The following NOL3 variants were observed in gnomAD, a reference collection of about 807,000 sequenced individuals.
The protein encoded by NOL3 is muscle-enriched cytoplasmic protein.
In NOL3, 18 loss-of-function variants were observed where a neutral mutation model predicts 19.2. The observed-to-expected ratio is 0.94, with a 90% CI of 0.65 to 1.39. The LOEUF (loss-of-function observed/expected upper bound fraction) is 1.39. Among genes scored for constraint, NOL3 ranks in the 40% most tolerant of loss-of-function variants. The pLI is 0.00. For missense variants in NOL3, 290 were observed against 289.5 expected (o/e 1.00, Z -0.01); for synonymous variants, 127 against 137.3 (o/e 0.93, Z 0.52).
chr16:67,175,360 C>A (rs1567678209), exon 4 of NOL3: 1 of 1,284,316 alleles, frequency 7.8e-7, no homozygotes. Flanking sequence ...CAAACCTAGC[C>A]CCCTAGTGGG....
chr16:67,174,162 C>T (rs752964514), exon 2 of NOL3: 13 of 1,606,712 alleles, frequency 8.1e-6, no homozygotes, highest in African/African-American at 8.0e-5. Context: ...CCCCATGCAG[C>T]CCCGACAATG....
exon 2 of NOL3, chr16:67,174,459 G>T (rs1347869195): frequency 6.7e-7 from 1 of 1,489,848 alleles, no homozygotes; most frequent in East Asian, 2.4e-5. Context: ...CAGCACGTGG[G>T]TCCGGGTGAG....
In NOL3 at chr16:67,170,780, G is replaced by A. The variant is rs1207559465; in HGVS notation, c.-9+206G>A. On this transcript the variant is annotated intron_variant, in intron 1 of 3. Coordinates refer to ENST00000268605, the Ensembl canonical transcript of NOL3. This position sits in a 1 kb window ranked among gnomAD's most constrained non-coding sequence, Gnocchi z 5.7. ...ACTGGGTGGAGGGAGGTAAGGGGCG[G>A]GGGGGGAAAATCCGTGCAGTCGCAC... Among the ~76,000 whole-genome samples, 1 of 150,312 alleles carries A rather than the reference G, an allele frequency of 6.7e-6. No homozygotes were observed. The highest frequency in any genetic ancestry group is 6.6e-5 in the Admixed American group (1 of 15,236).
At chr16:67,173,466 G>A (rs1052931596) in intron 1 of NOL3, among the ~76,000 whole-genome samples, 3 of 151,986 alleles carry the variant, frequency 2.0e-5, no homozygotes, top group African/African-American at 4.8e-5. Context: ...GTGTAGAGGC[G>A]GGGCTTGTCC....
exon 4 of NOL3, chr16:67,175,447 A>C (rs1342447089): frequency 1.4e-6 from 1 of 713,802 alleles, no homozygotes; most frequent in African/African-American, 1.9e-5. Context: ...TGTAGGTACC[A>C]GCTCAACCCC....
chr16:67,171,049 G>C (rs1177539997), intron 1 of NOL3: 1 of 152,388 alleles, frequency 6.6e-6, no homozygotes, highest in African/African-American at 2.4e-5. Context: ...TAAAGGGCAG[G>C]ACTTGGGGTC....
intron 2 of NOL3, 54 bp from the exon 3 acceptor site, chr16:67,174,567 T>A (rs1241967688): frequency 6.6e-7 from 1 of 1,505,828 alleles, no homozygotes; most frequent in African/African-American, 1.4e-5. Flanking sequence ...AGTAGGCGAG[T>A]GTGAAACCGC....
At chr16:67,173,542 T>C (rs2145948044) in intron 1 of NOL3, among the ~76,000 whole-genome samples, 1 of 152,154 alleles carries the variant, frequency 6.6e-6, no homozygotes, top group African/African-American at 2.4e-5. Flanking sequence ...CACTTTGTGC[T>C]CTGGGTTCAG....
exon 4 of NOL3, chr16:67,175,158 G>A (rs759766443): frequency 7.5e-6 from 12 of 1,591,556 alleles, no homozygotes; most frequent in East Asian, 2.2e-5. Flanking sequence ...GCCCAGTACC[G>A]CTGGAAGTGA....
chr16:67,175,715 C>G (rs2032146363), exon 4 of NOL3: 2 of 152,388 alleles, frequency 1.3e-5, no homozygotes, highest in Non-Finnish European at 2.9e-5. Flanking sequence ...TATTCGCTTA[C>G]TAAATGAATA....
At chr16:67,173,887 G>C (rs1371182269) in intron 1 of NOL3, 2 of 1,535,730 alleles carry the variant, frequency 1.3e-6, no homozygotes, top group Non-Finnish European at 1.7e-6. Flanking sequence ...CCTGGGAAAG[G>C]CAGGGGAGGA....
exon 4 of NOL3, chr16:67,175,359 C>G (rs2032118382): frequency 1.6e-6 from 2 of 1,284,820 alleles, no homozygotes; most frequent in South Asian, 5.0e-5. Context: ...CCAAACCTAG[C>G]CCCCTAGTGG....
chr16:67,172,974 TAAAAAAAAAAA>T (rs544086850), intron 1 of NOL3: 1 of 66,164 alleles, frequency 1.5e-5, no homozygotes, highest in Non-Finnish European at 3.1e-5. Flanking sequence ...ACCCCACCTC[TAAAAAAAAAAA>T]AAAAAAAAAA....
At chr16:67,174,853 A>C (rs1200278825) in exon 3 of NOL3, 1 of 1,608,036 alleles carries the variant, frequency 6.2e-7, no homozygotes, top group Non-Finnish European at 8.5e-7. Flanking sequence ...CAGAGCTGGA[A>C]CCCGAGGCTG....
At chr16:67,175,382 A>C in exon 4 of NOL3, 3 of 1,225,934 alleles carry the variant, frequency 2.4e-6, no homozygotes, top group South Asian at 2.9e-5. Flanking sequence ...CAAGGACCTG[A>C]CCCTCCTGCC....
At chr16:67,174,235 G>C in exon 2 of NOL3, 1 of 1,613,000 alleles carries the variant, frequency 6.2e-7, no homozygotes, top group East Asian at 2.2e-5. Context: ...TGGTCGAGAC[G>C]CTGCAGGCGG....
At chr16:67,172,408 C>T (rs553765754) in intron 1 of NOL3, among the ~76,000 whole-genome samples, 1 of 151,748 alleles carries the variant, frequency 6.6e-6, no homozygotes, top group South Asian at 2.1e-4. Context: ...GTCAGGAGTT[C>T]GAGACCAGCC....
Position 67,174,912 on chromosome 16 carries a change from A to G in NOL3, c.587A>G (p.Glu196Gly). The stretch of plus-strand genomic sequence containing the variant: ...GAGCCAGAACCGGACCCAGAGCCCG[A>G]GCCCGACTTCGAGGAAAGGGACGAG... The change falls in exon 3 of 4, where the codon GAG becomes GGG. Residue 196 changes from glutamate to glycine, a missense_variant. Around this residue, in one of 3 missense-constraint regions of NOL3, gnomAD observed 123 missense variants for 107.0 expected, o/e 1.15. Transcript: ENST00000268605. 6.2e-7 allele frequency: 1 copy of G among 1,613,348 alleles called. No homozygotes were observed. Among genetic ancestry groups the G allele is most frequent in the Non-Finnish European group, 8.5e-7 (1 of 1,179,454 alleles).
chr16:67,174,721 C>A (rs758591801), exon 3 of NOL3: 1 of 1,611,062 alleles, frequency 6.2e-7, no homozygotes, highest in South Asian at 1.1e-5. Context: ...GAGCTTCAGA[C>A]CCTGACGAGG....
Sources: gnomAD v4.1 joint callset for allele counts (sites outside exome capture counted in the v4.1 genomes callset) on GRCh38, gnomAD v4.1.1 for gene constraint, gnomAD v4.1.1 regional missense constraint, Gnocchi (gnomAD v3.1) non-coding constraint, MANE v1.5 for transcripts, NCBI Gene and HGNC (gene_info 2026-07-23, HGNC 2026-07-21) for gene names.